The following DNAH1 variants were observed in gnomAD, a reference collection of about 807,000 sequenced individuals.
The protein encoded by DNAH1 is axonemal beta dynein heavy chain 1.
DNAH1 carries 327 observed loss-of-function variants against 484.3 expected under a neutral mutation model. That is an observed-to-expected ratio of 0.68 (90% confidence interval 0.62 to 0.74). The LOEUF (loss-of-function observed/expected upper bound fraction) is 0.74, where lower values mean the gene tolerates loss of function less well. Ranked by LOEUF, DNAH1 falls within the 30% of genes least tolerant of loss-of-function variation. The pLI, the probability that DNAH1 is intolerant of heterozygous loss-of-function variation, is 0.00. For synonymous variants in DNAH1, 2,192 were observed against 2,191.9 expected, an observed-to-expected ratio of 1.00 and a Z score of 0.00; for missense variants, 5,052 against 5,546.8, an observed-to-expected ratio of 0.91 and a Z score of 2.83.
intron 62 of DNAH1, 52 bp downstream of exon 62, chr3:52,391,380 C>CCCTGT: frequency 6.3e-7 from 1 of 1,590,030 alleles, no homozygotes; most frequent in Non-Finnish European, 8.6e-7. Context: ...ACAGGGCAGT[C>CCCTGT]CCCTTCCCCT....
intron 61 of DNAH1, 21 bp downstream of exon 61, chr3:52,391,075 C>T (rs762205863): frequency 2.5e-6 from 4 of 1,580,006 alleles, no homozygotes; most frequent in East Asian, 4.7e-5. Flanking sequence ...CCACCAGGCA[C>T]CACCACCCCA....
intron 8 of DNAH1, among the ~76,000 whole-genome samples, chr3:52,335,802 T>C (rs2153223398): frequency 6.6e-6 from 1 of 151,854 alleles, no homozygotes; most frequent in South Asian, 2.1e-4. Context: ...GCCCAGATAA[T>C]TTTGTATTTT....
intron 77 of DNAH1, 62 bp from the exon 78 acceptor site, chr3:52,400,263 C>T (rs145385309): frequency 2.5e-5 from 40 of 1,601,750 alleles, no homozygotes; most frequent in East Asian, 4.5e-5. Flanking sequence ...CCTGCCCCTA[C>T]GCTATCCCTG....
intron 62 of DNAH1, 44 bp downstream of exon 62, chr3:52,391,372 A>C: frequency 6.3e-7 from 1 of 1,592,518 alleles, no homozygotes; most frequent in Admixed American, 1.8e-5. Context: ...AGGCCTGGAC[A>C]GGGCAGTCCC....
At chr3:52,350,639 G>A (rs1470719507) in intron 16 of DNAH1, 49 bp downstream of exon 16, 10 of 1,562,314 alleles carry the variant, frequency 6.4e-6, no homozygotes, top group Non-Finnish European at 7.0e-6. Context: ...GAGCATGAGG[G>A]GAGCTGCTGA....
intron 28 of DNAH1, among the ~76,000 whole-genome samples, chr3:52,360,865 T>A (rs1260931844): frequency 1.3e-5 from 2 of 152,206 alleles, no homozygotes. Context: ...TCTTGCCGCC[T>A]GTGTCTAGCA....
In DNAH1 at chr3:52,331,149, G is replaced by A. The variant is rs1252314365; in HGVS notation, c.873G>A (p.Glu291=). The change falls in exon 7 of 78, where the codon GAG becomes GAA. Residue 291 remains glutamate (E), a splice_region_variant and synonymous_variant. Coordinates refer to ENST00000420323, the MANE Select transcript of DNAH1 (RefSeq NM_015512.5). The part of the protein sequence containing the change: ...LLPTDDFLGH[E]DPKSQKLKYK... ...GTGGAGTTTCTCCTCCTGTTTCAGA[G>A]GACCCCAAGAGTCAGAAGCTGAAGT... 1.3e-6 allele frequency: 2 copies of A among 1,588,898 alleles called. No individual in the cohort carries two copies. Among genetic ancestry groups the A allele is most frequent in the Admixed American group, 3.6e-5 (2 of 55,822 alleles).
At chr3:52,338,638 G>A (rs1701820015) in intron 8 of DNAH1, among the ~76,000 whole-genome samples, 1 of 152,174 alleles carries the variant, frequency 6.6e-6, no homozygotes, top group Admixed American at 6.5e-5. Context: ...AGGACAGCTT[G>A]ACCAGATATA....
chr3:52,322,757 A>T lies in DNAH1; in HGVS notation c.315A>T (p.Gly105=). The part of the protein sequence containing the change: ...RGFYSDILSP[G]TLDQLGEVCR... Reference sequence around the variant, plus strand: ...TCTACTCCGACATCCTCAGCCCTGGAACCTTAGATCAACTTGGGGTGAGTA... The same window carrying T: ...TCTACTCCGACATCCTCAGCCCTGGTACCTTAGATCAACTTGGGGTGAGTA... The change falls in exon 2 of 78, where the codon GGA becomes GGT. Residue 105 remains glycine, a synonymous_variant. Transcript: ENST00000420323. 6.2e-7 allele frequency: 1 copy of T among 1,606,296 alleles called. No individual in the cohort carries two copies. The highest frequency in any genetic ancestry group is 1.1e-5 in the South Asian group (1 of 89,752).
chr3:52,386,689 G>C lies in DNAH1; in HGVS notation c.8839G>C (p.Gly2947Arg). Residue 2947 changes from glycine to arginine, a missense_variant, in exon 56 of 78, where the codon GGT becomes CGT. Around this residue, in one of 4 missense-constraint regions of DNAH1, gnomAD observed 2,929 missense variants for 3,409.4 expected, o/e 0.86. Transcript: ENST00000420323. ...ACGTGCCATGCAGCGGCCACCCCCG[G>C]GTGTGAAACTGGTCATAGAAGCTGT... is the stretch of plus-strand genomic sequence containing the variant. ...EVRAMQRPPP[G>R]VKLVIEAVCI... The C allele has an allele frequency of 2.5e-6, 4 of 1,590,184 alleles. No homozygotes were observed. Among genetic ancestry groups the C allele is most frequent in the Non-Finnish European group, 2.6e-6 (3 of 1,168,848 alleles).
chr3:52,359,473 A>G, intron 26 of DNAH1, 87 bp downstream of exon 26: 1 of 1,510,036 alleles, frequency 6.6e-7, no homozygotes, highest in Non-Finnish European at 8.9e-7. Context: ...TTTCTCCTAT[A>G]GTGAGCCTGG....
intron 12 of DNAH1, 99 bp from the exon 13 acceptor site, chr3:52,348,789 C>T: frequency 7.4e-7 from 1 of 1,346,930 alleles, no homozygotes; most frequent in East Asian, 2.3e-5. Context: ...CATCCTGCCC[C>T]TGCTTGCCCT....
chr3:52,389,927 C>G (rs1409752332), intron 60 of DNAH1, among the ~76,000 whole-genome samples: 1 of 152,186 alleles, frequency 6.6e-6, no homozygotes, highest in East Asian at 1.9e-4. Context: ...GCTTGGCCAA[C>G]ATGGTGAAAC....
intron 67 of DNAH1, 68 bp downstream of exon 67, chr3:52,394,729 C>G (rs1042814961): frequency 6.6e-7 from 1 of 1,516,038 alleles, no homozygotes; most frequent in Non-Finnish European, 8.9e-7. Flanking sequence ...AAAGGCTTGT[C>G]TGGGCGCCTT....
At chr3:52,385,051 G>C in intron 53 of DNAH1, 74 bp downstream of exon 53, 1 of 1,491,112 alleles carries the variant, frequency 6.7e-7, no homozygotes, top group East Asian at 2.4e-5. Flanking sequence ...CTGACTCCAG[G>C]GTGACACCAT....
At chr3:52,350,698 C>A in intron 16 of DNAH1, 108 bp downstream of exon 16, 1 of 998,820 alleles carries the variant, frequency 1.0e-6, no homozygotes. Context: ...GTGCAATCTC[C>A]CCAGAAACAC....
rs1024849505 is a variant in DNAH1 at position 52,396,776 on chromosome 3, A to G, written c.11589A>G (p.Glu3863=). The G allele has an allele frequency of 3.7e-6, 6 of 1,613,546 alleles. No homozygotes were observed. The African/African-American group carries it at 5.3e-5, about 14-fold the overall frequency. Residue 3863 remains glutamate (E), a synonymous_variant, in exon 72 of 78, where the codon GAA becomes GAG. Transcript: ENST00000420323. ...CISQLKMFLD[E]YDDIPYKVLK... is the part of the protein sequence containing the mutation. ...GCCAGCTCAAGATGTTCCTGGACGA[A>G]TATGATGACATCCCCTACAAGGTGG... is the stretch of plus-strand genomic sequence containing the variant.
In DNAH1 at chr3:52,394,569, C is replaced by G; in HGVS notation, c.10731C>G (p.Leu3577=). 6.2e-7 allele frequency: 1 copy of G among 1,612,712 alleles called. No individual in the cohort carries two copies. Among genetic ancestry groups the G allele is most frequent in the Non-Finnish European group, 8.5e-7 (1 of 1,179,200 alleles). ...GGGCTTGGCGAGACATCCTAGCACT[C>G]TCGAACCTGCCAACCTTTTCCTCCT... is the stretch of plus-strand genomic sequence containing the variant. ...SDRAWRDILA[L]SNLPTFSSFS... Residue 3577 remains leucine (L), a synonymous_variant, in exon 67 of 78, where the codon CTC becomes CTG. Coordinates refer to ENST00000420323, the MANE Select transcript of DNAH1 (RefSeq NM_015512.5).
intron 6 of DNAH1, among the ~76,000 whole-genome samples, chr3:52,329,553 C>T (rs999237114): frequency 4.6e-5 from 7 of 152,184 alleles, no homozygotes; most frequent in African/African-American, 1.4e-4. Flanking sequence ...GGGGGCCAGG[C>T]GTGGTGGCTC....
Sources: gnomAD v4.1 joint callset for allele counts (sites outside exome capture counted in the v4.1 genomes callset) on GRCh38, gnomAD v4.1.1 for gene constraint, gnomAD v4.1.1 regional missense constraint, MANE v1.5 for transcripts, NCBI Gene and HGNC (gene_info 2026-07-23, HGNC 2026-07-21) for gene names.